Variants in NOVA1 observed in about 807,000 individuals in gnomAD.
NOVA1 encodes NOVA alternative splicing regulator 1, also known as RNA-binding protein Nova-1.
In NOVA1, 7 loss-of-function variants were observed where a neutral mutation model predicts 38.0. That is an observed-to-expected ratio of 0.18 (90% CI 0.10 to 0.35). The LOEUF (loss-of-function observed/expected upper bound fraction) is 0.35. Among genes scored for constraint, NOVA1 ranks in the 10% least tolerant of loss-of-function variants. NOVA1 has a pLI of 1.00. For missense variants in NOVA1, 460 were observed against 616.0 expected (o/e 0.75, Z 2.68); for synonymous variants, 270 against 232.5 (o/e 1.16, Z -1.47).
chr14:26,556,003 A>G (rs1891458266), intron 2 of NOVA1, among the ~76,000 whole-genome samples: 1 of 152,148 alleles, frequency 6.6e-6, no homozygotes, highest in Admixed American at 6.5e-5. Flanking sequence ...GAAAGAAATC[A>G]AAGACAATCT....
In NOVA1 at chr14:26,557,260, A is replaced by T. The variant is rs575590752; in HGVS notation, c.280+38150T>A. Among the ~76,000 whole-genome samples, 101 of 152,332 alleles carry T rather than the reference A, an allele frequency of 6.6e-4. 1 individual carries two copies. The highest frequency in any genetic ancestry group is 2.0e-3 in the African/African-American group (84 of 41,584). ...GTGAAAATTAAAACAACAATAAGATACCATATTACACACCTATTAGAACAG... is the reference window on the plus strand; with the variant it reads ...GTGAAAATTAAAACAACAATAAGATTCCATATTACACACCTATTAGAACAG... On this transcript the variant is annotated intron_variant, in intron 2 of 4. Coordinates refer to ENST00000539517, the MANE Select transcript of NOVA1 (RefSeq NM_002515.3).
At chr14:26,582,645 T>A (rs1352803945) in intron 2 of NOVA1, among the ~76,000 whole-genome samples, 1 of 151,844 alleles carries the variant, frequency 6.6e-6, no homozygotes, top group Non-Finnish European at 1.5e-5. Context: ...ACTATTTACA[T>A]TTATAAACCT....
At chr14:26,536,808 G>A (rs772764723) in intron 2 of NOVA1, among the ~76,000 whole-genome samples, 1 of 152,010 alleles carries the variant, frequency 6.6e-6, no homozygotes, top group Non-Finnish European at 1.5e-5. Context: ...ATAGTTTTTC[G>A]AGAAAGTTTT....
intron 4 of NOVA1, among the ~76,000 whole-genome samples, chr14:26,449,578 G>T (rs1882447557): frequency 6.6e-6 from 1 of 152,032 alleles, no homozygotes; most frequent in South Asian, 2.1e-4. Flanking sequence ...ACTCACATAT[G>T]AAATATAACT....
intron 2 of NOVA1, among the ~76,000 whole-genome samples, chr14:26,554,241 C>T (rs1230498574): frequency 6.6e-6 from 1 of 150,834 alleles, no homozygotes; most frequent in Non-Finnish European, 1.5e-5. Context: ...GGCAGTGGAG[C>T]ACAAACAGAA....
chr14:26,491,212 C>T lies in NOVA1; in HGVS notation c.281-11069G>A, dbSNP rs1301510100. On this transcript the variant is annotated intron_variant, in intron 2 of 4. Coordinates refer to ENST00000539517, the MANE Select transcript of NOVA1 (RefSeq NM_002515.3). ...TTTGAGATGGGGTCTCGCAATGTTACCCAAGCTGGTCTCCAAATTCTGGAC... is the reference window on the plus strand; with the variant it reads ...TTTGAGATGGGGTCTCGCAATGTTATCCAAGCTGGTCTCCAAATTCTGGAC... 2.0e-5 allele frequency among the ~76,000 whole-genome samples: 3 copies of T among 151,718 alleles called. No individual in the cohort carries two copies. The East Asian group carries it at 5.8e-4, about 29-fold the overall frequency.
intron 2 of NOVA1, among the ~76,000 whole-genome samples, chr14:26,539,997 TAGTTGGGTTTAAG>T: frequency 6.6e-6 from 1 of 152,152 alleles, no homozygotes; most frequent in Admixed American, 6.5e-5. Context: ...CTCAGAATAG[TAGTTGGGTTTAAG>T]TCTTTTGTAA....
intron 2 of NOVA1, among the ~76,000 whole-genome samples, chr14:26,576,684 T>C (rs995146552): frequency 7.9e-5 from 12 of 151,892 alleles, no homozygotes; most frequent in Non-Finnish European, 1.5e-4. Flanking sequence ...TGATAGATTT[T>C]ATTTTTATAT....
rs2138715309 is a variant in NOVA1 at position 26,569,768 on chromosome 14, A to C, written c.280+25642T>G. Among the ~76,000 whole-genome samples the C allele has an allele frequency of 2.6e-5, 4 of 152,326 alleles. No homozygotes were observed. The South Asian group carries it at 8.3e-4, about 32-fold the overall frequency. On this transcript the variant is annotated intron_variant, in intron 2 of 4. Coordinates refer to ENST00000539517, the MANE Select transcript of NOVA1 (RefSeq NM_002515.3). ...AAACTTGAGAGCACAGTCTAAAACA[A>C]ATTTCTAGTTGAAAAGAATCAGTGC...
intron 2 of NOVA1, among the ~76,000 whole-genome samples, chr14:26,569,500 TAACAAA>T (rs1048530440): frequency 6.6e-6 from 1 of 152,176 alleles, no homozygotes; most frequent in African/African-American, 2.4e-5. Flanking sequence ...ATTAAAATAT[TAACAAA>T]AACAAAGAAG....
At chr14:26,502,487 T>C (rs972252024) in intron 2 of NOVA1, among the ~76,000 whole-genome samples, 1 of 151,828 alleles carries the variant, frequency 6.6e-6, no homozygotes, top group African/African-American at 2.4e-5. Context: ...GCATTTTCGT[T>C]AACTTGCTAA....
chr14:26,447,809 T>C lies in NOVA1; in HGVS notation c.*150A>G. ...GAAACATCTGGTAAAACACATATTATTTACATATACACATTGTCAACATAG... is the reference window on the plus strand; with the variant it reads ...GAAACATCTGGTAAAACACATATTACTTACATATACACATTGTCAACATAG... On this transcript the variant is annotated 3_prime_UTR_variant, in exon 5 of 5. Coordinates refer to ENST00000539517, the MANE Select transcript of NOVA1 (RefSeq NM_002515.3). The C allele has an allele frequency of 1.6e-6, 1 of 641,160 alleles. No homozygotes were observed. Among genetic ancestry groups the C allele is most frequent in the South Asian group, 2.1e-5 (1 of 47,430 alleles). 39.7% of individuals were successfully genotyped at this position (641,160 alleles called of 1,614,324 possible).
chr14:26,493,573 CCA>C (rs1446943719), intron 2 of NOVA1, among the ~76,000 whole-genome samples: 5 of 152,122 alleles, frequency 3.3e-5, no homozygotes, highest in African/African-American at 4.8e-5. Context: ...ACACAATCAT[CCA>C]CAGTGTCAAA....
chr14:26,509,526 G>C (rs935909420), intron 2 of NOVA1, among the ~76,000 whole-genome samples: 3 of 152,298 alleles, frequency 2.0e-5, no homozygotes, highest in Admixed American at 1.3e-4. Context: ...GCGATTGACA[G>C]AGCAAGACAG....
chr14:26,578,053 T>C (rs1892972329), intron 2 of NOVA1, among the ~76,000 whole-genome samples: 1 of 150,948 alleles, frequency 6.6e-6, no homozygotes, highest in South Asian at 2.1e-4. Context: ...GATAAAGGTG[T>C]ACCAGAAGCA....
intron 2 of NOVA1, among the ~76,000 whole-genome samples, chr14:26,537,849 T>G (rs1890211692): frequency 6.6e-6 from 1 of 152,106 alleles, no homozygotes; most frequent in Admixed American, 6.6e-5. Context: ...GTGAAAGATG[T>G]AAGAAGGGAT....
At chr14:26,503,019 T>G (rs1887356075) in intron 2 of NOVA1, among the ~76,000 whole-genome samples, 1 of 152,056 alleles carries the variant, frequency 6.6e-6, no homozygotes, top group African/African-American at 2.4e-5. Flanking sequence ...TCCTTTAGTC[T>G]CCTACCAGCA....
rs572245651 is a variant in NOVA1 at position 26,527,071 on chromosome 14, T to C, written c.281-46928A>G. 2.0e-5 allele frequency among the ~76,000 whole-genome samples: 3 copies of C among 152,304 alleles called. No individual in the cohort carries two copies. In the South Asian group the frequency reaches 6.2e-4, roughly 32 times the overall value. On this transcript the variant is annotated intron_variant, in intron 2 of 4. Transcript: ENST00000539517. ...ATGAGGTGCTCTGGGCCACTGCAGCTGTGTGGCCCCAAGGAAAACTGTTTA... is the reference window on the plus strand; with the variant it reads ...ATGAGGTGCTCTGGGCCACTGCAGCCGTGTGGCCCCAAGGAAAACTGTTTA...
chr14:26,541,608 T>C (rs540968546), intron 2 of NOVA1, among the ~76,000 whole-genome samples: 63 of 148,880 alleles, frequency 4.2e-4, no homozygotes, highest in African/African-American at 1.5e-3. Context: ...TTTCCCCGAG[T>C]ATGCTTTCAA....
Sources: gnomAD v4.1 joint callset for allele counts (sites outside exome capture counted in the v4.1 genomes callset) on GRCh38, gnomAD v4.1.1 for gene constraint, MANE v1.5 for transcripts, NCBI Gene and HGNC (gene_info 2026-07-23, HGNC 2026-07-21) for gene names.